DPP10: variants seen among roughly 807,000 people sequenced by gnomAD.
DPP10 encodes the protein inactive dipeptidyl peptidase 10.
DPP10 carries 33 observed loss-of-function variants against 120.9 expected under a neutral mutation model. The observed-to-expected ratio is 0.27, with a 90% CI of 0.21 to 0.37. The LOEUF (loss-of-function observed/expected upper bound fraction) is 0.37. Ranked by LOEUF, DPP10 falls within the 10% of genes least tolerant of loss-of-function variation. The probability of loss-of-function intolerance (pLI) is 1.00; values close to 1 mark genes in which losing one functional copy is unlikely to be tolerated. For synonymous variants in DPP10, 337 were observed against 326.1 expected, an observed-to-expected ratio of 1.03 and a Z score of -0.36; for missense variants, 816 against 942.8, an observed-to-expected ratio of 0.87 and a Z score of 1.76.
rs1038673425 is a variant in DPP10 at position 115,183,357 on chromosome 2, A to T, written c.61-125882A>T. On this transcript the variant is annotated intron_variant, in intron 1 of 25. Coordinates refer to ENST00000410059, the MANE Select transcript of DPP10 (RefSeq NM_020868.6). ...ATAAAGCCACGTGTGCATTTTAAGC[A>T]TTCCTACCTTGGTGCTTTGGGTTAA... Among the ~76,000 whole-genome samples the T allele has an allele frequency of 2.0e-5, 3 of 152,290 alleles. No homozygotes were observed. The South Asian group carries it at 6.2e-4, about 32-fold the overall frequency.
At position 115,525,922 on chromosome 2, in the gene DPP10, T is replaced by G; in HGVS notation, c.391T>G (p.Ser131Ala). Reference protein sequence around the residue: ...TFVTFKASRHSVSPDLKYVLL... With the variant: ...TFVTFKASRHAVSPDLKYVLL... ...GGTAACCTTCAAAGCATCAAGACAT[T>G]CAGTTTCACCAGATTTAAAATATGT... Residue 131 changes from serine to alanine, a missense_variant, in exon 5 of 26, where the codon TCA (serine) becomes GCA (alanine). Around this residue, in one of 3 missense-constraint regions of DPP10, gnomAD observed 182 missense variants for 207.4 expected, o/e 0.88. Coordinates refer to ENST00000410059, the MANE Select transcript of DPP10 (RefSeq NM_020868.6). 3 of 1,609,828 alleles carry G rather than the reference T, an allele frequency of 1.9e-6. No homozygotes were observed. In the South Asian group the frequency reaches 3.3e-5, roughly 18 times the overall value.
intron 7 of DPP10, among the ~76,000 whole-genome samples, chr2:115,723,563 A>G (rs574628100): frequency 6.7e-6 from 1 of 150,356 alleles, no homozygotes; most frequent in Admixed American, 6.6e-5. Flanking sequence ...TGAAATAAAC[A>G]TCACTGCTCA....
chr2:115,752,510 G>A (rs193032210), intron 10 of DPP10, among the ~76,000 whole-genome samples: 4 of 152,068 alleles, frequency 2.6e-5, no homozygotes, highest in Admixed American at 2.0e-4. Context: ...TTCATTTCTT[G>A]TTTAAAAATG....
At chr2:115,482,722 T>C (rs1823267) in intron 3 of DPP10, among the ~76,000 whole-genome samples, 149,879 of 152,096 alleles carry the variant, frequency 0.99, 73,892 homozygotes, top group East Asian at 1. Context: ...TTCATCCTTA[T>C]TGACATATAA....
At chr2:115,282,194 T>C (rs187419244) in intron 1 of DPP10, among the ~76,000 whole-genome samples, 47 of 152,170 alleles carry the variant, frequency 3.1e-4, no homozygotes, top group African/African-American at 1.1e-3. Context: ...TAACAGAATT[T>C]AAGAAAATGA....
chr2:114,817,973 A>G (rs1008515987), intron 1 of DPP10, among the ~76,000 whole-genome samples: 2 of 152,212 alleles, frequency 1.3e-5, no homozygotes, highest in African/African-American at 4.8e-5. Flanking sequence ...TGTGAAGTCA[A>G]CCAGAGTCTT....
At chr2:115,400,048 G>A (rs2067956328) in intron 3 of DPP10, among the ~76,000 whole-genome samples, 1 of 152,094 alleles carries the variant, frequency 6.6e-6, no homozygotes, top group South Asian at 2.1e-4. Flanking sequence ...AAGAGACGGG[G>A]AGGGGTGCTA....
Position 115,739,851 on chromosome 2 carries a change from T to C in DPP10, c.810T>C (p.Thr270=). The part of the protein sequence containing the change: ...LVPTMVIPRF[T]GALYPKGKQY... ...CCACCATGGTTATCCCTCGGTTTAC[T>C]GGAGCGTTGTATCCCAAAGGAAAGC... The change falls in exon 9 of 26, where the codon ACT becomes ACC. Residue 270 remains threonine (T), a synonymous_variant. Transcript: ENST00000410059. 6.2e-7 allele frequency: 1 copy of C among 1,613,554 alleles called. No individual in the cohort carries two copies. Among genetic ancestry groups the C allele is most frequent in the African/African-American group, 1.3e-5 (1 of 75,004 alleles).
At chr2:115,542,980 C>T (rs531613051) in intron 5 of DPP10, among the ~76,000 whole-genome samples, 87 of 151,952 alleles carry the variant, frequency 5.7e-4, no homozygotes, top group Non-Finnish European at 1.0e-3. Context: ...ATTCCATTTA[C>T]GAAATGTTGT....
intron 1 of DPP10, among the ~76,000 whole-genome samples, chr2:114,667,143 C>A (rs907438954): frequency 1.3e-5 from 2 of 152,118 alleles, no homozygotes; most frequent in Non-Finnish European, 2.9e-5. Flanking sequence ...GGTTCAATGG[C>A]CTCAATTGGA....
intron 1 of DPP10, among the ~76,000 whole-genome samples, chr2:114,995,902 G>A (rs999012712): frequency 3.9e-5 from 6 of 152,116 alleles, no homozygotes; most frequent in African/African-American, 1.2e-4. Flanking sequence ...AAATTTGCAA[G>A]ATCGGCAGGT....
chr2:115,699,139 T>A (rs1415904062), intron 7 of DPP10, among the ~76,000 whole-genome samples: 1 of 151,416 alleles, frequency 6.6e-6, no homozygotes, highest in African/African-American at 2.4e-5. Flanking sequence ...AATAGTACTA[T>A]GAACAATTGT....
rs564959048 is a variant in DPP10, at chr2:115,240,687, T to C, written c.61-68552T>C. 2.0e-5 allele frequency among the ~76,000 whole-genome samples: 3 copies of C among 152,348 alleles called. No homozygotes were observed. The South Asian group carries it at 6.2e-4, about 32-fold the overall frequency. ...CCAAAAATGTATGTGACTTGCATCA[T>C]CACGATATTTGCTTTATTGGGGTGA... On this transcript the variant is annotated intron_variant, in intron 1 of 25. Coordinates refer to ENST00000410059, the MANE Select transcript of DPP10 (RefSeq NM_020868.6).
intron 1 of DPP10, among the ~76,000 whole-genome samples, chr2:114,525,725 G>A (rs1399687197): frequency 6.6e-6 from 1 of 152,208 alleles, no homozygotes. Flanking sequence ...AATGAAGGAA[G>A]ATGACTAAAC....
intron 1 of DPP10, among the ~76,000 whole-genome samples, chr2:114,896,864 C>T (rs1034138846): frequency 7.2e-5 from 11 of 152,126 alleles, no homozygotes; most frequent in African/African-American, 1.9e-4. Context: ...ATGATATTGG[C>T]TGTGGGTTTG....
intron 4 of DPP10, among the ~76,000 whole-genome samples, chr2:115,501,247 C>G (rs1165772181): frequency 6.6e-6 from 1 of 152,056 alleles, no homozygotes; most frequent in Non-Finnish European, 1.5e-5. Flanking sequence ...TTTCCCCCAT[C>G]ACTAATTATG....
chr2:115,140,394 G>A (rs542481660), intron 1 of DPP10, among the ~76,000 whole-genome samples: 44 of 152,178 alleles, frequency 2.9e-4, no homozygotes, highest in Non-Finnish European at 4.7e-4. Context: ...GAGGATGATG[G>A]AAGATGATGG....
At chr2:115,113,905 T>C (rs1211320009) in intron 1 of DPP10, among the ~76,000 whole-genome samples, 2 of 152,176 alleles carry the variant, frequency 1.3e-5, no homozygotes, top group African/African-American at 4.8e-5. Context: ...CATTGAGTCA[T>C]TCTTGTCATA....
chr2:114,724,541 G>C (rs1221680498), intron 1 of DPP10, among the ~76,000 whole-genome samples: 1 of 152,166 alleles, frequency 6.6e-6, no homozygotes, highest in Non-Finnish European at 1.5e-5. Flanking sequence ...TACTCAGCCG[G>C]TTTGGGGGGT....
Sources: gnomAD v4.1 joint callset for allele counts (sites outside exome capture counted in the v4.1 genomes callset) on GRCh38, gnomAD v4.1.1 for gene constraint, gnomAD v4.1.1 regional missense constraint, MANE v1.5 for transcripts, NCBI Gene and HGNC (gene_info 2026-07-23, HGNC 2026-07-21) for gene names.